NLGN4Y: variants seen among roughly 807,000 people sequenced by gnomAD.
The protein encoded by NLGN4Y is neuroligin-4, Y-linked.
NLGN4Y carries 4 observed loss-of-function variants against 8.4 expected under a neutral mutation model. The observed-to-expected ratio is 0.48, with a 90% CI of 0.23 to 1.09. The LOEUF (loss-of-function observed/expected upper bound fraction) is 1.09, where lower values mean the gene tolerates loss of function less well. Among genes scored for constraint, NLGN4Y ranks in the 50% least tolerant of loss-of-function variants. The pLI, the probability that NLGN4Y is intolerant of heterozygous loss-of-function variation, is 0.19. For missense variants in NLGN4Y, 90 were observed against 192.3 expected (o/e 0.47, Z 3.15); for synonymous variants, 35 against 75.6 (o/e 0.46, Z 2.78).
At chrY:14,778,576 C>T in intron 4 of NLGN4Y, among the ~76,000 whole-genome samples, 3 of 33,729 alleles carry the variant, frequency 8.9e-5, no homozygotes, top group Non-Finnish European at 2.2e-4. Flanking sequence ...ATATTACAGG[C>T]GAACATGAAT....
intron 4 of NLGN4Y, among the ~76,000 whole-genome samples, chrY:14,802,213 A>T (rs2043035500): frequency 3.1e-5 from 1 of 32,473 alleles, no homozygotes; most frequent in Non-Finnish European, 7.5e-5. Context: ...GTGCTTGGAG[A>T]TACCTGGAGA....
intron 1 of NLGN4Y, among the ~76,000 whole-genome samples, chrY:14,562,253 T>G (rs2080230673): frequency 3.0e-5 from 1 of 33,447 alleles, no homozygotes; most frequent in African/African-American, 1.2e-4. Context: ...GTAAAAGATG[T>G]AAGAAAGGGG....
intron 4 of NLGN4Y, among the ~76,000 whole-genome samples, chrY:14,758,803 T>G: frequency 3.0e-5 from 1 of 33,827 alleles, no homozygotes; most frequent in African/African-American, 1.2e-4. Context: ...GGCTAATTTT[T>G]AAAAACTTTT....
intron 2 of NLGN4Y, among the ~76,000 whole-genome samples, chrY:14,705,120 C>T (rs758670705): frequency 3.4e-4 from 11 of 32,447 alleles, no homozygotes; most frequent in Admixed American, 2.6e-3. Context: ...GGTAGACAAA[C>T]GGTATCTTTA....
At chrY:14,660,428 G>A in intron 2 of NLGN4Y, among the ~76,000 whole-genome samples, 1 of 33,271 alleles carries the variant, frequency 3.0e-5, no homozygotes, top group Non-Finnish European at 7.4e-5. Flanking sequence ...CTGTCACTCA[G>A]GCTGTAGTGC....
chrY:14,661,532 T>TG (rs2080674993), intron 2 of NLGN4Y, among the ~76,000 whole-genome samples: 3 of 32,910 alleles, frequency 9.1e-5, no homozygotes, highest in Non-Finnish European at 1.5e-4. Flanking sequence ...AAAATTGTAT[T>TG]GGCCACAGAG....
intron 2 of NLGN4Y, among the ~76,000 whole-genome samples, chrY:14,649,780 G>A (rs2080622888): frequency 6.0e-5 from 2 of 33,549 alleles, no homozygotes; most frequent in East Asian, 7.8e-4. Context: ...TTCCTCTTCC[G>A]TCTTTTAAAA....
chrY:14,737,484 G>T (rs757540299), intron 4 of NLGN4Y, among the ~76,000 whole-genome samples: 15 of 33,224 alleles, frequency 4.5e-4, no homozygotes, highest in Admixed American at 1.4e-3. Flanking sequence ...GGTGAGAAAA[G>T]AAAATGGTTT....
rs1052137003 is a variant in NLGN4Y at position 14,845,573 on chromosome Y, T to A, written c.*4311T>A. ...TATAATTGTTCTATTTTATTAGCTA[T>A]TGTTCATCTCTTACTCCATCTACTT... On this transcript the variant is annotated 3_prime_UTR_variant, in exon 7 of 7. Transcript: ENST00000684976. 2.4e-4 allele frequency: 8 copies of A among 33,032 alleles called. No individual in the cohort carries two copies. Among genetic ancestry groups the A allele is most frequent in the African/African-American group, 9.3e-4 (8 of 8,562 alleles). The allele number at this position is 33,032 out of a possible 400,897, so 8.2% of individuals were successfully genotyped here. A position where few individuals can be genotyped will look rare whatever the true frequency, so the allele number is the denominator to read the frequency against.
At chrY:14,747,821 C>G in intron 4 of NLGN4Y, among the ~76,000 whole-genome samples, 4 of 34,045 alleles carry the variant, frequency 1.2e-4, no homozygotes, top group Non-Finnish European at 2.2e-4. Flanking sequence ...CCTCGACTGT[C>G]TTCTCTTTAT....
intron 2 of NLGN4Y, among the ~76,000 whole-genome samples, chrY:14,668,684 T>C (rs2080700100): frequency 3.1e-5 from 1 of 32,757 alleles, no homozygotes; most frequent in East Asian, 8.0e-4. Context: ...TAAGCCTGGG[T>C]AATTTATGAA....
At chrY:14,837,392 C>T in intron 6 of NLGN4Y, among the ~76,000 whole-genome samples, 1 of 33,202 alleles carries the variant, frequency 3.0e-5, no homozygotes, top group Non-Finnish European at 7.4e-5. Flanking sequence ...GCACTTGAGT[C>T]TCTCCTGCCA....
At chrY:14,769,838 AC>A (rs2081102129) in intron 4 of NLGN4Y, among the ~76,000 whole-genome samples, 1 of 33,188 alleles carries the variant, frequency 3.0e-5, no homozygotes, top group Non-Finnish European at 7.4e-5. Context: ...CCTGAAGCCA[AC>A]CTGGGATGCT....
At chrY:14,770,189 G>A (rs2081103689) in intron 4 of NLGN4Y, among the ~76,000 whole-genome samples, 1 of 33,611 alleles carries the variant, frequency 3.0e-5, no homozygotes, top group Non-Finnish European at 7.4e-5. Flanking sequence ...CCAGCACAGC[G>A]TTCAAGCTCT....
intron 1 of NLGN4Y, among the ~76,000 whole-genome samples, chrY:14,573,168 A>G: frequency 6.0e-5 from 2 of 33,447 alleles, no homozygotes; most frequent in African/African-American, 2.3e-4. Context: ...TTCAGAAGCA[A>G]TGGTAACAGG....
intron 2 of NLGN4Y, among the ~76,000 whole-genome samples, chrY:14,689,872 A>C: frequency 1.8e-4 from 6 of 33,305 alleles, no homozygotes; most frequent in Non-Finnish European, 4.5e-4. Flanking sequence ...AGCATGATTG[A>C]ATATCTTTTT....
At chrY:14,549,366 A>G (rs2080183479) in intron 1 of NLGN4Y, among the ~76,000 whole-genome samples, 1 of 32,906 alleles carries the variant, frequency 3.0e-5, no homozygotes, top group East Asian at 8.0e-4. Context: ...TCATCTTCCT[A>G]TATAATTGAT....
chrY:14,829,076 G>A, intron 5 of NLGN4Y, among the ~76,000 whole-genome samples: 1 of 33,294 alleles, frequency 3.0e-5, no homozygotes, highest in East Asian at 7.8e-4. Flanking sequence ...GTTACCAGTG[G>A]ATATAGTTTT....
At chrY:14,671,433 A>C in intron 2 of NLGN4Y, among the ~76,000 whole-genome samples, 4 of 31,694 alleles carry the variant, frequency 1.3e-4, no homozygotes, top group Middle Eastern at 0.027. Flanking sequence ...CAGAACGCTG[A>C]GGTGGGAGTA....
Sources: gnomAD v4.1 joint callset for allele counts (sites outside exome capture counted in the v4.1 genomes callset) on GRCh38, gnomAD v4.1.1 for gene constraint, MANE v1.5 for transcripts, NCBI Gene and HGNC (gene_info 2026-07-23, HGNC 2026-07-21) for gene names.